The following DLGAP2 variants were observed in gnomAD, a reference collection of about 807,000 sequenced individuals.
The protein encoded by DLGAP2 is disks large-associated protein 2.
In DLGAP2, 26 loss-of-function variants were observed where a neutral mutation model predicts 100.3. The observed-to-expected ratio is 0.26, with a 90% CI of 0.19 to 0.36. The LOEUF is 0.36. Among genes scored for constraint, DLGAP2 ranks in the 10% least tolerant of loss-of-function variants. DLGAP2 has a pLI of 1.00. For missense variants in DLGAP2, 1,858 were observed against 1,453.2 expected, an observed-to-expected ratio of 1.28 and a Z score of -4.53; for synonymous variants, 886 against 630.1, an observed-to-expected ratio of 1.41 and a Z score of -6.08.
intron 2 of DLGAP2, among the ~76,000 whole-genome samples, chr8:973,402 G>A (rs9918787): frequency 2.9e-3 from 433 of 151,576 alleles, no homozygotes; most frequent in African/African-American, 9.5e-3. Flanking sequence ...CAGACGGGGC[G>A]GCCGGGCAGA....
chr8:806,430 C>T (rs990175212), intron 1 of DLGAP2, among the ~76,000 whole-genome samples: 1 of 152,174 alleles, frequency 6.6e-6, no homozygotes, highest in African/African-American at 2.4e-5. Flanking sequence ...TCACCGCGGC[C>T]AGGGGATCCA....
chr8:1,615,931 C>G (rs1397557053), intron 6 of DLGAP2, among the ~76,000 whole-genome samples: 1 of 152,040 alleles, frequency 6.6e-6, no homozygotes, highest in African/African-American at 2.4e-5. Context: ...TGTTAGAACT[C>G]ACCACAAAGA....
chr8:1,125,793 C>T (rs181960192), intron 2 of DLGAP2, among the ~76,000 whole-genome samples: 196 of 152,262 alleles, frequency 1.3e-3, no homozygotes, highest in African/African-American at 4.6e-3. Flanking sequence ...ATTGCAGAGG[C>T]GGGAAGGCCG....
intron 2 of DLGAP2, among the ~76,000 whole-genome samples, chr8:1,011,502 G>A (rs551873090): frequency 1.4e-5 from 2 of 147,914 alleles, no homozygotes; most frequent in African/African-American, 5.1e-5. Context: ...TGGAATGAGG[G>A]GTCTCAGTCT....
rs187935023 is a variant in DLGAP2 at position 1,022,469 on chromosome 8, C to A, written c.73+114503C>A. Among the ~76,000 whole-genome samples, 7 of 148,246 alleles carry A rather than the reference C, an allele frequency of 4.7e-5. No homozygotes were observed. The East Asian group carries it at 1.4e-3, about 30-fold the overall frequency. On this transcript the variant is annotated intron_variant, in intron 2 of 14. Coordinates refer to ENST00000637795, the MANE Select transcript of DLGAP2 (RefSeq NM_001346810.2). Reference sequence around the variant, plus strand: ...CCCGTGCCAAGGTAGACACTCCAGCCGCCATCCATCCTCCCTGGGATTGGA... The same window carrying A: ...CCCGTGCCAAGGTAGACACTCCAGCAGCCATCCATCCTCCCTGGGATTGGA...
intron 1 of DLGAP2, among the ~76,000 whole-genome samples, chr8:810,600 GT>G (rs1273297469): frequency 6.6e-6 from 1 of 152,056 alleles, no homozygotes; most frequent in Non-Finnish European, 1.5e-5. Context: ...TTTAACCATT[GT>G]TTACTAAATT....
intron 2 of DLGAP2, among the ~76,000 whole-genome samples, chr8:1,215,225 A>G (rs545007787): frequency 1.3e-5 from 2 of 152,386 alleles, no homozygotes; most frequent in South Asian, 2.1e-4. Flanking sequence ...GGGAATGAAG[A>G]TAAAGAATTT....
intron 2 of DLGAP2, among the ~76,000 whole-genome samples, chr8:1,213,891 G>A (rs561947898): frequency 1.1e-4 from 16 of 152,240 alleles, no homozygotes; most frequent in East Asian, 5.8e-4. Context: ...CCCATCACTC[G>A]GGTCCTCACT....
intron 2 of DLGAP2, among the ~76,000 whole-genome samples, chr8:1,189,517 C>T (rs754879368): frequency 2.6e-5 from 4 of 152,136 alleles, no homozygotes; most frequent in African/African-American, 4.8e-5. Flanking sequence ...CTCAAGTTTA[C>T]ACTTTAAGGA....
chr8:1,566,202 C>A (rs984579942), intron 6 of DLGAP2, among the ~76,000 whole-genome samples: 1 of 152,158 alleles, frequency 6.6e-6, no homozygotes, highest in African/African-American at 2.4e-5. Flanking sequence ...GCACATGTCT[C>A]TGTTTGTATG....
intron 2 of DLGAP2, among the ~76,000 whole-genome samples, chr8:926,036 A>G (rs923254397): frequency 2.0e-5 from 3 of 152,130 alleles, no homozygotes; most frequent in African/African-American, 7.2e-5. Context: ...GGGGGCACAG[A>G]GCAGGTCTTA....
intron 1 of DLGAP2, among the ~76,000 whole-genome samples, chr8:897,424 G>A (rs1052423603): frequency 6.6e-6 from 1 of 152,172 alleles, no homozygotes; most frequent in African/African-American, 2.4e-5. Context: ...TGAATTTCAC[G>A]GTCATTTTAC....
chr8:1,207,099 T>C (rs986030495), intron 2 of DLGAP2, among the ~76,000 whole-genome samples: 1 of 152,214 alleles, frequency 6.6e-6, no homozygotes, highest in Non-Finnish European at 1.5e-5. Flanking sequence ...CTTCCTTTTT[T>C]ATTTCAATAG....
chr8:1,182,952 C>T (rs1797422775), intron 2 of DLGAP2, among the ~76,000 whole-genome samples: 1 of 152,142 alleles, frequency 6.6e-6, no homozygotes, highest in Non-Finnish European at 1.5e-5. Context: ...AGACGCGCAC[C>T]ATGGAGCCGG....
chr8:983,472 A>G (rs549521090), intron 2 of DLGAP2, among the ~76,000 whole-genome samples: 17 of 152,242 alleles, frequency 1.1e-4, no homozygotes, highest in African/African-American at 3.6e-4. Flanking sequence ...ATCCCTTAGA[A>G]TCCACGTGTT....
chr8:1,117,333 G>C (rs1015002545), intron 2 of DLGAP2, among the ~76,000 whole-genome samples: 2 of 152,230 alleles, frequency 1.3e-5, no homozygotes, highest in African/African-American at 4.8e-5. Flanking sequence ...GGGACGCCAC[G>C]CTGGGGATGC....
intron 2 of DLGAP2, among the ~76,000 whole-genome samples, chr8:1,075,356 G>T (rs150213079): frequency 6.6e-6 from 1 of 152,144 alleles, no homozygotes; most frequent in Non-Finnish European, 1.5e-5. Context: ...GCTGGAATCC[G>T]CAGGAGGAGA....
intron 2 of DLGAP2, among the ~76,000 whole-genome samples, chr8:943,476 T>C (rs1419338802): frequency 6.6e-6 from 1 of 152,226 alleles, no homozygotes; most frequent in East Asian, 1.9e-4. Flanking sequence ...GTGGACGTCA[T>C]GACGCGGCCA....
At chr8:899,892 T>C (rs1798216012) in intron 1 of DLGAP2, among the ~76,000 whole-genome samples, 1 of 152,072 alleles carries the variant, frequency 6.6e-6, no homozygotes, top group African/African-American at 2.4e-5. Flanking sequence ...CTGCAGAGGG[T>C]GAGACTGTGG....
Sources: gnomAD v4.1 joint callset for allele counts (sites outside exome capture counted in the v4.1 genomes callset) on GRCh38, gnomAD v4.1.1 for gene constraint, MANE v1.5 for transcripts, NCBI Gene and HGNC (gene_info 2026-07-23, HGNC 2026-07-21) for gene names.